The following CHRM3 variants were observed in gnomAD, a reference collection of about 807,000 sequenced individuals.
CHRM3 encodes the protein cholinergic receptor muscarinic 3, also known as muscarinic acetylcholine receptor M3.
In CHRM3, 11 loss-of-function variants were observed where a neutral mutation model predicts 41.8. The ratio of observed to expected loss-of-function variants is 0.26; its 90% confidence interval spans 0.17 to 0.44. CHRM3 has a LOEUF of 0.44. Among genes scored for constraint, CHRM3 ranks in the 20% least tolerant of loss-of-function variants. CHRM3 has a pLI of 1.00. For synonymous variants in CHRM3, 297 were observed against 301.4 expected, an observed-to-expected ratio of 0.99 and a Z score of 0.15; for missense variants, 571 against 745.4, an observed-to-expected ratio of 0.77 and a Z score of 2.72.
At chr1:239,427,117 A>G (rs1662450383) in intron 1 of CHRM3, among the ~76,000 whole-genome samples, 1 of 152,138 alleles carries the variant, frequency 6.6e-6, no homozygotes, top group South Asian at 2.1e-4. Context: ...AGATTGGGTG[A>G]TAGTGATTTA....
At chr1:239,421,179 T>A (rs540241454) in intron 1 of CHRM3, among the ~76,000 whole-genome samples, 2 of 152,342 alleles carry the variant, frequency 1.3e-5, no homozygotes, top group South Asian at 4.1e-4. Flanking sequence ...ATACATTGGT[T>A]TGTCATAAAA....
intron 3 of CHRM3, among the ~76,000 whole-genome samples, chr1:239,573,316 G>T (rs1009967490): frequency 2.0e-5 from 3 of 152,092 alleles, no homozygotes; most frequent in Non-Finnish European, 4.4e-5. Context: ...AAAGAGATGA[G>T]GATGCTGAGT....
intron 5 of CHRM3, among the ~76,000 whole-genome samples, chr1:239,716,934 G>C (rs926027061): frequency 1.5e-4 from 23 of 151,924 alleles, no homozygotes; most frequent in Non-Finnish European, 2.6e-4. Flanking sequence ...CCATCCATAT[G>C]GCATATTTGA....
chr1:239,885,223 G>C (rs76178698), intron 6 of CHRM3, among the ~76,000 whole-genome samples: 1 of 152,314 alleles, frequency 6.6e-6, no homozygotes, highest in Non-Finnish European at 1.5e-5. Flanking sequence ...TGGAAAACAT[G>C]TGATAGTCCT....
chr1:239,743,797 T>C (rs1208070278), intron 5 of CHRM3, among the ~76,000 whole-genome samples: 1 of 133,202 alleles, frequency 7.5e-6, no homozygotes, highest in African/African-American at 2.8e-5. Context: ...TCTTTTTTTT[T>C]TTTTTTTTTT....
intron 1 of CHRM3, among the ~76,000 whole-genome samples, chr1:239,410,805 C>G (rs1661005553): frequency 1.3e-5 from 2 of 152,138 alleles, no homozygotes; most frequent in African/African-American, 4.8e-5. Context: ...ACCACACTGC[C>G]CCTTCATGCT....
chr1:239,391,443 C>T (rs1021838719), intron 1 of CHRM3, among the ~76,000 whole-genome samples: 1 of 152,178 alleles, frequency 6.6e-6, no homozygotes, highest in Non-Finnish European at 1.5e-5. Flanking sequence ...TTTTTGGCCT[C>T]TGTGTGTTGT....
chr1:239,424,264 A>G (rs1558213293), intron 1 of CHRM3, among the ~76,000 whole-genome samples: 1 of 152,004 alleles, frequency 6.6e-6, no homozygotes, highest in Non-Finnish European at 1.5e-5. Context: ...AGCTGCTAAG[A>G]TTCTATGTGG....
rs189009126 is a variant in CHRM3 at position 239,588,913 on chromosome 1, T to G, written c.-313+43164T>G. Among the ~76,000 whole-genome samples, 24 of 152,266 alleles carry G rather than the reference T, an allele frequency of 1.6e-4. No homozygotes were observed. The East Asian group carries it at 4.6e-3, about 29-fold the overall frequency. On this transcript the variant is annotated intron_variant, in intron 3 of 6. Transcript: ENST00000676153. ...TGCAGGTGTTATAAGAAAGCAAAAC[T>G]GTTCATCTTAGTGAGTTATGAAGCA...
chr1:239,814,884 G>A (rs561365669), intron 5 of CHRM3, among the ~76,000 whole-genome samples: 14 of 152,204 alleles, frequency 9.2e-5, no homozygotes, highest in Non-Finnish European at 1.8e-4. Context: ...CCCTTCAAGC[G>A]ATTCTCCTGC....
chr1:239,834,142 T>G, intron 6 of CHRM3, among the ~76,000 whole-genome samples: 1 of 104,664 alleles, frequency 9.6e-6, no homozygotes, highest in East Asian at 3.0e-4. Context: ...GCTGTATAAT[T>G]CCACATCACA....
intron 5 of CHRM3, among the ~76,000 whole-genome samples, chr1:239,775,054 C>T (rs915421661): frequency 6.6e-6 from 1 of 152,126 alleles, no homozygotes; most frequent in Non-Finnish European, 1.5e-5. Context: ...AGAGACTCTA[C>T]TGAATTAAAA....
chr1:239,576,478 C>T (rs1662354945), intron 3 of CHRM3, among the ~76,000 whole-genome samples: 1 of 151,928 alleles, frequency 6.6e-6, no homozygotes, highest in South Asian at 2.1e-4. Context: ...CACGGTGGCT[C>T]ATGCCTATAA....
At chr1:239,526,011 A>G (rs535025802) in intron 2 of CHRM3, among the ~76,000 whole-genome samples, 14 of 152,348 alleles carry the variant, frequency 9.2e-5, no homozygotes, top group African/African-American at 3.4e-4. Context: ...AGGTTTGGGA[A>G]TGACTCATCT....
intron 5 of CHRM3, among the ~76,000 whole-genome samples, chr1:239,778,429 C>T (rs1175898167): frequency 1.3e-5 from 2 of 152,172 alleles, no homozygotes; most frequent in Non-Finnish European, 2.9e-5. Flanking sequence ...CTCCCCATAT[C>T]CTGGTTTTAA....
chr1:239,681,320 C>G (rs542353298), intron 5 of CHRM3, among the ~76,000 whole-genome samples: 1 of 152,262 alleles, frequency 6.6e-6, no homozygotes, highest in South Asian at 2.1e-4. Flanking sequence ...AGAAAGTTTT[C>G]TTCAGAAAAG....
intron 5 of CHRM3, among the ~76,000 whole-genome samples, chr1:239,744,106 A>C (rs1345922844): frequency 6.6e-6 from 1 of 151,648 alleles, no homozygotes; most frequent in Non-Finnish European, 1.5e-5. Context: ...CACTGTGTCC[A>C]GCCAGTGACT....
intron 1 of CHRM3, among the ~76,000 whole-genome samples, chr1:239,488,502 T>C (rs747442776): frequency 6.6e-6 from 1 of 151,652 alleles, no homozygotes; most frequent in African/African-American, 2.4e-5. Context: ...GATCATCAGG[T>C]CAGGAAATCG....
At chr1:239,544,249 C>G (rs143790222) in intron 2 of CHRM3, among the ~76,000 whole-genome samples, 1 of 152,142 alleles carries the variant, frequency 6.6e-6, no homozygotes, top group African/African-American at 2.4e-5. Context: ...CAGTTTCTGC[C>G]TATAGACTTT....
Sources: allele counts gnomAD v4.1 joint callset (sites outside exome capture counted in the v4.1 genomes callset), GRCh38; gene constraint gnomAD v4.1.1; transcripts MANE v1.5; gene names NCBI Gene and HGNC (gene_info 2026-07-23, HGNC 2026-07-21).